ANKFN1: variants seen among roughly 807,000 people sequenced by gnomAD.
ANKFN1 encodes ankyrin repeat and fibronectin type III domain containing 1, also known as ankyrin repeat and fibronectin type-III domain-containing protein 1.
Under a neutral mutation model 108.7 loss-of-function variants are expected in ANKFN1, and 74 were observed. That is an observed-to-expected ratio of 0.68 (90% CI 0.56 to 0.83). ANKFN1 has a LOEUF of 0.83. Ranked by LOEUF, ANKFN1 falls within the 40% of genes least tolerant of loss-of-function variation. The pLI is 0.00. For synonymous variants in ANKFN1, 547 were observed against 516.2 expected, an observed-to-expected ratio of 1.06 and a Z score of -0.81; for missense variants, 1,505 against 1,382.3, an observed-to-expected ratio of 1.09 and a Z score of -1.41.
At chr17:56,102,163 T>A (rs890604135) in intron 4 of ANKFN1, among the ~76,000 whole-genome samples, 1 of 152,168 alleles carries the variant, frequency 6.6e-6, no homozygotes, top group African/African-American at 2.4e-5. Context: ...TGTAAAGAGT[T>A]TTTACATATT....
chr17:56,200,897 G>A (rs142492612), intron 1 of ANKFN1, among the ~76,000 whole-genome samples: 1 of 152,280 alleles, frequency 6.6e-6, no homozygotes, highest in Non-Finnish European at 1.5e-5. Flanking sequence ...TAGTCATAGC[G>A]ATGATCAAGG....
intron 4 of ANKFN1, among the ~76,000 whole-genome samples, chr17:56,130,122 A>G (rs1357198706): frequency 1.3e-5 from 2 of 152,170 alleles, no homozygotes; most frequent in African/African-American, 2.4e-5. Flanking sequence ...TTATTTTTAT[A>G]TTTGTCAGCA....
At position 56,185,811 on chromosome 17, in the gene ANKFN1, GT is replaced by G. The variant is rs1369366586; in HGVS notation, c.-70-26786del. 2.0e-5 allele frequency among the ~76,000 whole-genome samples: 3 copies of G among 152,268 alleles called. No homozygotes were observed. In the East Asian group the frequency reaches 5.8e-4, roughly 29 times the overall value. On this transcript the variant is annotated intron_variant, in intron 1 of 20. Coordinates refer to ENST00000682825, the MANE Select transcript of ANKFN1 (RefSeq NM_001370326.1). ...TTAATATGTTTTTGAAAATCAGCAA[GT>G]GCTTAAAAACTTGTAGTAAAAGCCC...
chr17:56,189,342 T>C (rs961455205), intron 1 of ANKFN1, among the ~76,000 whole-genome samples: 4 of 148,918 alleles, frequency 2.7e-5, no homozygotes, highest in African/African-American at 1.0e-4. Context: ...GGCTAATTTT[T>C]TGTATTTTTA....
chr17:56,193,260 G>A (rs1379119470), intron 1 of ANKFN1, among the ~76,000 whole-genome samples: 44 of 116,806 alleles, frequency 3.8e-4, no homozygotes, highest in African/African-American at 1.3e-3. Flanking sequence ...GGTGGGGAGG[G>A]GGGAGGGGGG....
intron 6 of ANKFN1, among the ~76,000 whole-genome samples, chr17:56,365,256 T>A (rs2046629362): frequency 6.6e-6 from 1 of 152,192 alleles, no homozygotes; most frequent in African/African-American, 2.4e-5. Context: ...CTAGTGTATA[T>A]TTCTGAACAG....
intron 8 of ANKFN1, among the ~76,000 whole-genome samples, chr17:56,392,159 A>G (rs1567967791): frequency 1.3e-5 from 2 of 152,172 alleles, no homozygotes; most frequent in South Asian, 4.1e-4. Context: ...CCTCTAATTC[A>G]TGGTTGAGAA....
chr17:56,391,942 A>G (rs999409772), intron 8 of ANKFN1, among the ~76,000 whole-genome samples: 2 of 152,200 alleles, frequency 1.3e-5, no homozygotes, highest in African/African-American at 4.8e-5. Flanking sequence ...CAATTTAGTG[A>G]CAGCTATTAC....
intron 4 of ANKFN1, among the ~76,000 whole-genome samples, chr17:56,091,791 G>A (rs1905425678): frequency 6.6e-6 from 1 of 151,438 alleles, no homozygotes; most frequent in Admixed American, 6.6e-5. Context: ...TATTTGAGAG[G>A]ATTGTGATTC....
upstream of ANKFN1, among the ~76,000 whole-genome samples, chr17:56,149,651 C>A (rs1204865231): frequency 6.6e-6 from 1 of 152,188 alleles, no homozygotes; most frequent in African/African-American, 2.4e-5. Context: ...AGGAGAATTT[C>A]ACCATTCTCA....
At chr17:56,400,842 G>T (rs1342802116) in intron 8 of ANKFN1, among the ~76,000 whole-genome samples, 1 of 151,996 alleles carries the variant, frequency 6.6e-6, no homozygotes, top group African/African-American at 2.4e-5. Context: ...TGTTGAAAAG[G>T]GTGTCCTTTC....
At chr17:56,451,616 G>A (rs77750276) in intron 11 of ANKFN1, among the ~76,000 whole-genome samples, 2,548 of 152,134 alleles carry the variant, frequency 0.017, 52 homozygotes, top group East Asian at 0.092. Flanking sequence ...AGAGGATTTC[G>A]CCTCTCTGAT....
At chr17:56,121,345 A>G (rs1422600657) in intron 4 of ANKFN1, among the ~76,000 whole-genome samples, 2 of 151,986 alleles carry the variant, frequency 1.3e-5, no homozygotes, top group Non-Finnish European at 2.9e-5. Context: ...CTTAGTGTTA[A>G]TGATTCCCAT....
chr17:56,473,170 A>G (rs1162800624), intron 15 of ANKFN1: 1 of 152,196 alleles, frequency 6.6e-6, no homozygotes, highest in East Asian at 1.9e-4. Flanking sequence ...GTGCTCAGTA[A>G]AAGTTGGTAA....
At chr17:56,105,397 G>A (rs1161530483) in intron 4 of ANKFN1, among the ~76,000 whole-genome samples, 1 of 152,118 alleles carries the variant, frequency 6.6e-6, no homozygotes, top group Non-Finnish European at 1.5e-5. Flanking sequence ...CGAGGCACGT[G>A]TGAAATACTC....
intron 1 of ANKFN1, chr17:56,174,092 C>T (rs1389424292): frequency 1.8e-5 from 15 of 850,682 alleles, no homozygotes; most frequent in Non-Finnish European, 2.1e-5. Flanking sequence ...TGCTGCCTTC[C>T]AAGAATCCGT....
rs559055625 is a variant in ANKFN1 at position 56,340,596 on chromosome 17, G to A, written c.189-10170G>A. The stretch of plus-strand genomic sequence containing the variant: ...CCCTATTGTCTTTATCAACTTTGTC[G>A]AAGATCAGATAGTTGTAGGTGCACA... On this transcript the variant is annotated intron_variant, in intron 4 of 20. Coordinates refer to ENST00000682825, the MANE Select transcript of ANKFN1 (RefSeq NM_001370326.1). Among the ~76,000 whole-genome samples, 92 of 151,844 alleles carry A rather than the reference G, an allele frequency of 6.1e-4. 1 individual carries two copies. The South Asian group carries it at 0.011, about 17-fold the overall frequency.
chr17:56,399,684 C>T (rs926129457), intron 8 of ANKFN1, among the ~76,000 whole-genome samples: 4 of 151,730 alleles, frequency 2.6e-5, no homozygotes, highest in Non-Finnish European at 5.9e-5. Flanking sequence ...TATGCCTTTG[C>T]GTCCTGATAG....
chr17:56,115,340 A>G (rs1020822263), intron 4 of ANKFN1, among the ~76,000 whole-genome samples: 2 of 152,194 alleles, frequency 1.3e-5, no homozygotes, highest in African/African-American at 4.8e-5. Context: ...TGTTAAAGTG[A>G]ATGAAGCAGA....
Sources: gnomAD v4.1 joint callset for allele counts (sites outside exome capture counted in the v4.1 genomes callset) on GRCh38, gnomAD v4.1.1 for gene constraint, MANE v1.5 for transcripts, NCBI Gene and HGNC (gene_info 2026-07-23, HGNC 2026-07-21) for gene names.